The following KLF13 variants were observed in gnomAD, a reference collection of about 807,000 sequenced individuals.
KLF13 encodes Krueppel-like factor 13.
In KLF13, 8 loss-of-function variants were observed where a neutral mutation model predicts 16.7. The ratio of observed to expected loss-of-function variants is 0.48; its 90% CI spans 0.28 to 0.87. The LOEUF (loss-of-function observed/expected upper bound fraction) is 0.87, where lower values mean the gene tolerates loss of function less well. Ranked by LOEUF, KLF13 falls within the 40% of genes least tolerant of loss-of-function variation. KLF13 has a pLI of 0.10. For missense variants in KLF13, 447 were observed against 452.2 expected, an observed-to-expected ratio of 0.99 and a Z score of 0.10; for synonymous variants, 245 against 208.4, an observed-to-expected ratio of 1.18 and a Z score of -1.51.
intron 1 of KLF13, among the ~76,000 whole-genome samples, chr15:31,343,142 T>G (rs532724332): frequency 1.3e-5 from 2 of 152,352 alleles, no homozygotes; most frequent in Admixed American, 1.3e-4. Flanking sequence ...GAGTGGCCTC[T>G]TCTCTCTTCT....
At chr15:31,353,574 G>C (rs889449926) in intron 1 of KLF13, among the ~76,000 whole-genome samples, 3 of 152,240 alleles carry the variant, frequency 2.0e-5, no homozygotes, top group Non-Finnish European at 4.4e-5. Context: ...AGAACAAGCT[G>C]TTGTCCTCAG....
chr15:31,331,535 A>C lies in KLF13; in HGVS notation c.577+3746A>C, dbSNP rs138043896. Among the ~76,000 whole-genome samples, 615 of 152,318 alleles carry C rather than the reference A, an allele frequency of 4.0e-3. 3 individuals carry two copies. Among genetic ancestry groups the C allele is most frequent in the Middle Eastern group, 0.017 (5 of 294 alleles). ...TCCTCCCTGATGCTGCTGCCTGGGAAAGCAGAGCAGAGGGCATCTGGCAGA... is the reference window on the plus strand; with the variant it reads ...TCCTCCCTGATGCTGCTGCCTGGGACAGCAGAGCAGAGGGCATCTGGCAGA... On this transcript the variant is annotated intron_variant, in intron 1 of 1. Coordinates refer to ENST00000307145, the MANE Select transcript of KLF13 (RefSeq NM_015995.4).
chr15:31,383,731 T>C (rs2039758102), intron 1 of KLF13, among the ~76,000 whole-genome samples: 2 of 151,980 alleles, frequency 1.3e-5, no homozygotes, highest in Admixed American at 1.3e-4. Flanking sequence ...AAACCCCGTT[T>C]CTACTAAAAA....
intron 1 of KLF13, chr15:31,420,006 A>C (rs1238395069): frequency 3.2e-6 from 1 of 309,388 alleles, no homozygotes; most frequent in Non-Finnish European, 6.3e-6. Context: ...CAGCAGAAAC[A>C]TTATAGGCTG....
chr15:31,365,825 G>T (rs1217784671), intron 1 of KLF13, among the ~76,000 whole-genome samples: 2 of 152,082 alleles, frequency 1.3e-5, no homozygotes, highest in African/African-American at 2.4e-5. Flanking sequence ...AGAGGGGAGG[G>T]CCTGGGACTT....
intron 1 of KLF13, among the ~76,000 whole-genome samples, chr15:31,369,820 C>T (rs1343729135): frequency 2.0e-5 from 3 of 152,214 alleles, no homozygotes; most frequent in Admixed American, 6.5e-5. Flanking sequence ...CCTTTGTCTT[C>T]AGGATCCAGT....
At position 31,376,361 on chromosome 15, in the gene KLF13, C is replaced by A. The variant is rs529724664; in HGVS notation, c.*4062C>A. On this transcript the variant is annotated 3_prime_UTR_variant, in exon 2 of 2. Transcript: ENST00000307145. ...TTTCTTTCCCCCATTTAAAAAAGGT[C>A]ATTTAGTCAAAGACACAGTGCTAGA... is the stretch of plus-strand genomic sequence containing the variant. The A allele has an allele frequency of 5.2e-4, 79 of 152,422 alleles. 1 individual carries two copies. Among genetic ancestry groups the A allele is most frequent in the African/African-American group, 1.7e-3 (71 of 41,560 alleles). 9.4% of individuals were successfully genotyped at this position (152,422 alleles called of 1,614,324 possible).
chr15:31,382,826 C>T (rs1019758891), downstream of KLF13, among the ~76,000 whole-genome samples: 2 of 152,226 alleles, frequency 1.3e-5, no homozygotes, highest in Non-Finnish European at 2.9e-5. Flanking sequence ...TCCACTCACT[C>T]AGACCTCTTG....
chr15:31,383,042 C>T (rs1040809355), intron 1 of KLF13, among the ~76,000 whole-genome samples: 2 of 152,198 alleles, frequency 1.3e-5, no homozygotes, highest in Non-Finnish European at 2.9e-5. Flanking sequence ...CAGGGAGAAT[C>T]AACAGTAAAT....
At chr15:31,344,266 GGGCACCTAGGCTTT>G (rs1401479776) in intron 1 of KLF13, among the ~76,000 whole-genome samples, 2 of 152,216 alleles carry the variant, frequency 1.3e-5, no homozygotes, top group Non-Finnish European at 2.9e-5. Flanking sequence ...GGAGGGGAGT[GGGCACCTAGGCTTT>G]CCCCTCTTTG....
chr15:31,344,139 C>T (rs10851532), intron 1 of KLF13, among the ~76,000 whole-genome samples: 2 of 152,058 alleles, frequency 1.3e-5, no homozygotes, highest in South Asian at 2.1e-4. Flanking sequence ...GCTAGCGCTG[C>T]GCACCCACAC....
intron 1 of KLF13, among the ~76,000 whole-genome samples, chr15:31,341,767 C>G (rs1156757911): frequency 2.0e-5 from 3 of 152,188 alleles, no homozygotes; most frequent in African/African-American, 7.2e-5. Flanking sequence ...GACCTGAGCC[C>G]CCCTTCCCAG....
chr15:31,334,432 CTT>C (rs879438632), intron 1 of KLF13, among the ~76,000 whole-genome samples: 4 of 146,144 alleles, frequency 2.7e-5, no homozygotes, highest in Admixed American at 6.8e-5. Flanking sequence ...TTCTTTCTTT[CTT>C]TTTTTTTTTT....
At chr15:31,420,187 C>A in intron 1 of KLF13, 2 of 572,578 alleles carry the variant, frequency 3.5e-6, no homozygotes, top group South Asian at 1.5e-5. Context: ...ATAAAAGAGC[C>A]GAGCTGAGTG....
rs1301905223 is a variant in KLF13, at chr15:31,413,197, A to C, written n.117+19506A>C. 1.5e-4 allele frequency among the ~76,000 whole-genome samples: 23 copies of C among 149,520 alleles called. 1 individual carries two copies. Among genetic ancestry groups the C allele is most frequent in the South Asian group, 1.3e-3 (6 of 4,704 alleles). On this transcript the variant is annotated intron_variant and non_coding_transcript_variant, in intron 1 of 1. Coordinates refer to the KLF13 transcript ENST00000558225. ...GAGAAAATGAATAGACAAAAAAAAA[A>C]AAAAACAAAAAACAAAAAAACCAGC...
chr15:31,408,737 T>G (rs1325786538), downstream of KLF13, among the ~76,000 whole-genome samples: 1 of 152,094 alleles, frequency 6.6e-6, no homozygotes, highest in Non-Finnish European at 1.5e-5. Context: ...ACAGGGAACT[T>G]AAAATTGTAA....
At chr15:31,390,824 A>G (rs1395360438), upstream of KLF13, among the ~76,000 whole-genome samples, 2 of 150,342 alleles carry the variant, frequency 1.3e-5, no homozygotes, top group African/African-American at 4.9e-5. Context: ...CCCTGTGTTT[A>G]TTTTCCTTCT....
downstream of KLF13, among the ~76,000 whole-genome samples, chr15:31,380,758 G>A (rs1345933779): frequency 6.6e-6 from 1 of 152,216 alleles, no homozygotes; most frequent in African/African-American, 2.4e-5. Flanking sequence ...ACTCCTGGCA[G>A]GGCTGCTATC....
At position 31,326,921 on chromosome 15, in the gene KLF13, A is replaced by G. The variant is rs912939730; in HGVS notation, c.-292A>G. 1 of 152,600 alleles carries G rather than the reference A, an allele frequency of 6.6e-6. No individual in the cohort carries two copies. The highest frequency in any genetic ancestry group is 6.6e-5 in the Admixed American group (1 of 15,226). The allele number at this position is 152,600 out of a possible 1,614,324, so 9.5% of individuals were successfully genotyped here. ...GCCGCGACTTGGCGAGGTGGTCCCT[A>G]ACGTTGCCGCTCGGCATCCTTAGAA... On this transcript the variant is annotated 5_prime_UTR_variant, in exon 1 of 2. An upstream open reading frame in the 5' UTR loses its in-frame stop. Coordinates refer to ENST00000307145, the MANE Select transcript of KLF13 (RefSeq NM_015995.4).
Sources: allele counts gnomAD v4.1 joint callset (sites outside exome capture counted in the v4.1 genomes callset), GRCh38; gene constraint gnomAD v4.1.1; transcripts MANE v1.5; gene names NCBI Gene and HGNC (gene_info 2026-07-23, HGNC 2026-07-21).